Variants in BCAS3 observed in about 807,000 individuals in gnomAD.
BCAS3 encodes BCAS3 microtubule associated cell migration factor, also known as BCAS4/BCAS3 fusion.
A neutral mutation model predicts 116.1 loss-of-function variants in BCAS3; 53 were observed. That is an observed-to-expected ratio of 0.46 (90% CI 0.37 to 0.57). BCAS3 has a LOEUF of 0.57. Ranked by LOEUF, BCAS3 falls within the 20% of genes least tolerant of loss-of-function variation. The pLI is 0.00. For synonymous variants in BCAS3, 391 were observed against 408.2 expected, an observed-to-expected ratio of 0.96 and a Z score of 0.51; for missense variants, 917 against 1,165.4, an observed-to-expected ratio of 0.79 and a Z score of 3.10.
chr17:61,123,162 C>T (rs1472712443), intron 22 of BCAS3, among the ~76,000 whole-genome samples: 1 of 151,924 alleles, frequency 6.6e-6, no homozygotes, highest in East Asian at 1.9e-4. Flanking sequence ...AGGCTGGTCT[C>T]CAACTCCTGA....
At chr17:61,338,474 T>C (rs1333853958) in intron 22 of BCAS3, among the ~76,000 whole-genome samples, 1 of 152,152 alleles carries the variant, frequency 6.6e-6, no homozygotes, top group Non-Finnish European at 1.5e-5. Flanking sequence ...TCCTGTTTTA[T>C]TGTGTTTGAA....
At chr17:61,127,369 G>A (rs778940730) in intron 22 of BCAS3, among the ~76,000 whole-genome samples, 15 of 151,892 alleles carry the variant, frequency 9.9e-5, no homozygotes, top group Non-Finnish European at 2.1e-4. Flanking sequence ...GTAAGTGAGG[G>A]TTTTATATTA....
chr17:61,184,200 T>C (rs569884628), intron 22 of BCAS3, among the ~76,000 whole-genome samples: 2 of 152,290 alleles, frequency 1.3e-5, no homozygotes, highest in South Asian at 4.1e-4. Context: ...TCAGTGTTCA[T>C]AGTGACTTCC....
intron 4 of BCAS3, among the ~76,000 whole-genome samples, chr17:60,706,055 C>T (rs1184215650): frequency 6.6e-6 from 1 of 152,040 alleles, no homozygotes; most frequent in Non-Finnish European, 1.5e-5. Flanking sequence ...ACTGTGAAGA[C>T]AAGGATGAAG....
Position 61,333,625 on chromosome 17 carries a change from CTTTTTT to C in BCAS3, c.2426-34694_2426-34689del, listed in dbSNP as rs66627370. 2.1e-5 allele frequency among the ~76,000 whole-genome samples: 3 copies of C among 142,552 alleles called. No individual in the cohort carries two copies. In the South Asian group the frequency reaches 6.7e-4, roughly 32 times the overall value. 93.5% of individuals were successfully genotyped at this position (142,552 alleles called of 152,430 possible). On this transcript the variant is annotated intron_variant, in intron 22 of 23. Transcript: ENST00000407086. This position sits in a 1 kb window ranked among gnomAD's most constrained non-coding sequence, Gnocchi z 4.8. ...AGTTCTTGAAACTTTCTTTTTTTTT[CTTTTTT>C]TTTTTTTGAGACAGAGTCTCGCTCT...
intron 13 of BCAS3, among the ~76,000 whole-genome samples, chr17:60,936,615 A>G (rs1321146601): frequency 4.6e-5 from 7 of 152,140 alleles, no homozygotes; most frequent in South Asian, 2.1e-4. Context: ...GCCAGTGATG[A>G]TGAGCATTTT....
rs1238115527 is a variant in BCAS3, at chr17:61,040,804, G to T, written c.1941G>T (p.Trp647Cys). 2 of 1,613,562 alleles carry T rather than the reference G, an allele frequency of 1.2e-6. No individual in the cohort carries two copies. Among genetic ancestry groups the T allele is most frequent in the African/African-American group, 1.3e-5 (1 of 74,890 alleles). The change falls in exon 19 of 24, where the codon TGG (tryptophan) becomes TGT (cysteine). Residue 647 changes from tryptophan to cysteine, a missense_variant. Trp to Cys is a radical substitution (Grantham distance 215). Around this residue, in one of 3 missense-constraint regions of BCAS3, gnomAD observed 807 missense variants for 1,026.0 expected, o/e 0.79. Coordinates refer to ENST00000407086, the MANE Select transcript of BCAS3 (RefSeq NM_017679.5). ...CCTGTTTCCTTAGAACCCCTCAATG[G>T]AATGAATTGCAGCCACCGTTTAATG... The part of the protein sequence containing the change: ...ASWTLVRTPQ[W>C]NELQPPFNAN...
Position 60,785,965 on chromosome 17 carries a change from C to A in BCAS3, c.404-22039C>A, listed in dbSNP as rs2046251882. Among the ~76,000 whole-genome samples the A allele has an allele frequency of 2.6e-5, 4 of 152,024 alleles. No homozygotes were observed. In the South Asian group the frequency reaches 8.3e-4, roughly 31 times the overall value. ...ACCTTGTATTAGATATTATAAATAA[C>A]CTAGAGATGATTTAAAGTACACAGG... On this transcript the variant is annotated intron_variant, in intron 6 of 23. Transcript: ENST00000407086.
At chr17:61,178,092 C>T (rs952667058) in intron 22 of BCAS3, among the ~76,000 whole-genome samples, 7 of 152,136 alleles carry the variant, frequency 4.6e-5, no homozygotes, top group African/African-American at 1.7e-4. Context: ...TAATCCCAAT[C>T]TCTTTCTTTA....
Position 61,084,436 on chromosome 17 carries a change from C to A in BCAS3, c.2328-31C>A. The A allele has an allele frequency of 6.4e-7, 1 of 1,559,070 alleles. No individual in the cohort carries two copies. The highest frequency in any genetic ancestry group is 8.8e-7 in the Non-Finnish European group (1 of 1,140,028). On this transcript the variant is annotated intron_variant, in intron 21 of 23. Transcript: ENST00000407086. This position sits in a 1 kb window ranked among gnomAD's most constrained non-coding sequence, Gnocchi z 5.5. ...CAAGTGACAGTTTTGATGCCAGTAA[C>A]ATATGTGAATTAAATTAAATTGCAT...
chr17:60,739,894 T>TTC (rs2041364571), intron 5 of BCAS3, among the ~76,000 whole-genome samples: 1 of 151,832 alleles, frequency 6.6e-6, no homozygotes, highest in African/African-American at 2.4e-5. Flanking sequence ...TTTTTTTTTT[T>TTC]CCACACAACA....
chr17:61,370,711 C>T (rs1214202914), intron 23 of BCAS3, among the ~76,000 whole-genome samples: 1 of 152,196 alleles, frequency 6.6e-6, no homozygotes, highest in Non-Finnish European at 1.5e-5. Context: ...TTTTAAAGGC[C>T]AGTAAGCAAA....
chr17:60,971,312 C>T (rs1158476575), intron 14 of BCAS3, among the ~76,000 whole-genome samples: 1 of 152,094 alleles, frequency 6.6e-6, no homozygotes, highest in Non-Finnish European at 1.5e-5. Flanking sequence ...TAGGAGGCGG[C>T]GAACTTTTTC....
At position 60,967,952 on chromosome 17, in the gene BCAS3, G is replaced by T. The variant is rs2061747009; in HGVS notation, c.1221+20600G>T. Among the ~76,000 whole-genome samples the T allele has an allele frequency of 6.6e-6, 1 of 151,228 alleles. No homozygotes were observed. The highest frequency in any genetic ancestry group is 2.4e-5 in the African/African-American group (1 of 41,188). On this transcript the variant is annotated intron_variant, in intron 14 of 23. Transcript: ENST00000407086. This position sits in a 1 kb window ranked among gnomAD's most constrained non-coding sequence, Gnocchi z 4.7. Reference sequence around the variant, plus strand: ...TTCTGAATTGCTTTTCTGTGTGTTTGTTGTTGTTGTTGTTGTTGTTGTTGT... The same window carrying T: ...TTCTGAATTGCTTTTCTGTGTGTTTTTTGTTGTTGTTGTTGTTGTTGTTGT...
chr17:61,280,091 C>A (rs1568740426), intron 22 of BCAS3, among the ~76,000 whole-genome samples: 1 of 152,092 alleles, frequency 6.6e-6, no homozygotes, highest in Non-Finnish European at 1.5e-5. Context: ...GTTTAAGGGA[C>A]CTCAGAACTC....
At chr17:61,271,589 CTGTGTGTGTGTGTG>C (rs34693526) in intron 22 of BCAS3, among the ~76,000 whole-genome samples, 2,117 of 118,408 alleles carry the variant, frequency 0.018, 65 homozygotes, top group African/African-American at 0.066. Flanking sequence ...ACGCCCAGCT[CTGTGTGTGTGTGTG>C]TGTGTGTGTG....
intron 22 of BCAS3, among the ~76,000 whole-genome samples, chr17:61,312,828 G>T (rs2054425619): frequency 6.6e-6 from 1 of 152,188 alleles, no homozygotes; most frequent in Non-Finnish European, 1.5e-5. Flanking sequence ...CTCGGGGTCA[G>T]GACTGGTTAC....
At chr17:60,758,990 T>G (rs1334457115) in intron 6 of BCAS3, among the ~76,000 whole-genome samples, 1 of 152,090 alleles carries the variant, frequency 6.6e-6, no homozygotes, top group Non-Finnish European at 1.5e-5. Context: ...GATTTTTTTT[T>G]TTTTTTTGGA....
At chr17:60,950,857 C>G (rs1252589954) in intron 14 of BCAS3, among the ~76,000 whole-genome samples, 3 of 152,142 alleles carry the variant, frequency 2.0e-5, no homozygotes, top group African/African-American at 7.2e-5. Flanking sequence ...ACACCCTTCA[C>G]CAACTTTTTT....
Sources: gnomAD v4.1 joint callset for allele counts (sites outside exome capture counted in the v4.1 genomes callset) on GRCh38, gnomAD v4.1.1 for gene constraint, gnomAD v4.1.1 regional missense constraint, Gnocchi (gnomAD v3.1) non-coding constraint, MANE v1.5 for transcripts, NCBI Gene and HGNC (gene_info 2026-07-23, HGNC 2026-07-21) for gene names.